The following TRIM33 variants were observed in gnomAD, a reference collection of about 807,000 sequenced individuals.
The protein encoded by TRIM33 is tripartite motif containing 33.
TRIM33 carries 20 observed loss-of-function variants against 125.4 expected under a neutral mutation model. That is an observed-to-expected ratio of 0.16 (90% CI 0.11 to 0.23). The LOEUF (loss-of-function observed/expected upper bound fraction) is 0.23, where lower values mean the gene tolerates loss of function less well. Among genes scored for constraint, TRIM33 ranks in the 10% least tolerant of loss-of-function variants. The pLI, the probability that TRIM33 is intolerant of heterozygous loss-of-function variation, is 1.00. For missense variants in TRIM33, 920 were observed against 1,411.4 expected (o/e 0.65, Z 5.58); for synonymous variants, 564 against 513.9 (o/e 1.10, Z -1.32).
chr1:114,484,507 A>G (rs1263414303), intron 1 of TRIM33, among the ~76,000 whole-genome samples: 34 of 151,936 alleles, frequency 2.2e-4, no homozygotes, highest in Non-Finnish European at 1.0e-4. Context: ...CGGGTGGATC[A>G]CCTGAGGTCA....
rs561986416 is a variant in TRIM33 at position 114,395,141 on chromosome 1, C to T, written c.*2507G>A. 30 of 198,978 alleles carry T rather than the reference C, an allele frequency of 1.5e-4. No individual in the cohort carries two copies. The South Asian group carries it at 5.7e-3, about 38-fold the overall frequency. 12.3% of individuals were successfully genotyped at this position (198,978 alleles called of 1,614,324 possible). On this transcript the variant is annotated 3_prime_UTR_variant, in exon 20 of 20. Coordinates refer to ENST00000358465, the MANE Select transcript of TRIM33 (RefSeq NM_015906.4). ...AGAGCTGAAAAAATCAGCTTAGAAA[C>T]ACAACGATCAGTGTGCAAGAAAAAA... is the stretch of plus-strand genomic sequence containing the variant.
At chr1:114,457,729 A>G (rs1432687558) in intron 4 of TRIM33, among the ~76,000 whole-genome samples, 1 of 152,158 alleles carries the variant, frequency 6.6e-6, no homozygotes, top group Non-Finnish European at 1.5e-5. Flanking sequence ...ATCAGTAAAG[A>G]GCAGTTTGGT....
At chr1:114,448,309 T>C (rs746672006) in intron 4 of TRIM33, among the ~76,000 whole-genome samples, 2 of 152,208 alleles carry the variant, frequency 1.3e-5, no homozygotes, top group Non-Finnish European at 2.9e-5. Context: ...AGGGAGTCTG[T>C]AGTTCTCTTT....
chr1:114,399,006 T>TTAGTATTA (rs1266355687), intron 18 of TRIM33, among the ~76,000 whole-genome samples: 1 of 151,142 alleles, frequency 6.6e-6, no homozygotes, highest in Non-Finnish European at 1.5e-5. Flanking sequence ...ATAAGAAAAC[T>TTAGTATTA]TAGTATTATA....
intron 7 of TRIM33, 116 bp downstream of exon 7, chr1:114,427,632 T>TGTG (rs1280563764): frequency 1.9e-6 from 2 of 1,037,588 alleles, no homozygotes; most frequent in Non-Finnish European, 2.7e-6. Flanking sequence ...TGTATCTTGA[T>TGTG]GTGGTGGTGG....
chr1:114,507,368 C>A (rs1193982601), intron 1 of TRIM33, among the ~76,000 whole-genome samples: 1 of 152,096 alleles, frequency 6.6e-6, no homozygotes, highest in Non-Finnish European at 1.5e-5. Flanking sequence ...AACTGTTGAT[C>A]TAGAAAGAAC....
intron 4 of TRIM33, among the ~76,000 whole-genome samples, chr1:114,437,493 G>A (rs1360007516): frequency 1.3e-5 from 2 of 152,000 alleles, no homozygotes; most frequent in Non-Finnish European, 2.9e-5. Flanking sequence ...CATGAGTCAC[G>A]ACACCCAGCT....
At chr1:114,450,578 A>C (rs1277712162) in intron 4 of TRIM33, among the ~76,000 whole-genome samples, 1 of 152,130 alleles carries the variant, frequency 6.6e-6, no homozygotes, top group Non-Finnish European at 1.5e-5. Flanking sequence ...TTTTTAGTAG[A>C]GATGGGGTTT....
At chr1:114,416,918 G>A (rs11582563) in intron 11 of TRIM33, among the ~76,000 whole-genome samples, 20,746 of 152,052 alleles carry the variant, frequency 0.14, 1,784 homozygotes, top group Non-Finnish European at 0.19. Flanking sequence ...GGTACACTAC[G>A]TTCATACTTG....
chr1:114,399,733 TGAGTATA>T, intron 17 of TRIM33, 124 bp from the exon 18 acceptor site: 1 of 770,548 alleles, frequency 1.3e-6, no homozygotes. Flanking sequence ...TTGCAAATTT[TGAGTATA>T]GACGTATGTA....
At chr1:114,462,152 C>G (rs553905371) in intron 4 of TRIM33, among the ~76,000 whole-genome samples, 2 of 152,238 alleles carry the variant, frequency 1.3e-5, no homozygotes, top group South Asian at 2.1e-4. Flanking sequence ...CGTCATAATA[C>G]TAGTACCTAA....
intron 5 of TRIM33, among the ~76,000 whole-genome samples, chr1:114,433,347 TC>T (rs1648086902): frequency 6.6e-6 from 1 of 152,182 alleles, no homozygotes; most frequent in Non-Finnish European, 1.5e-5. Flanking sequence ...GTCAACTCTC[TC>T]CATATTAATT....
intron 10 of TRIM33, among the ~76,000 whole-genome samples, chr1:114,422,469 A>G (rs971249590): frequency 2.0e-5 from 3 of 150,650 alleles, no homozygotes; most frequent in Admixed American, 2.0e-4. Context: ...TCAGACCATC[A>G]ATCTTTTGTA....
At chr1:114,481,588 C>A (rs1651346591) in intron 1 of TRIM33, among the ~76,000 whole-genome samples, 1 of 147,180 alleles carries the variant, frequency 6.8e-6, no homozygotes, top group African/African-American at 2.5e-5. Flanking sequence ...GAGACACTGT[C>A]CGAAAAAAAA....
At chr1:114,469,712 C>T (rs1207730133) in intron 1 of TRIM33, among the ~76,000 whole-genome samples, 1 of 152,088 alleles carries the variant, frequency 6.6e-6, no homozygotes, top group Non-Finnish European at 1.5e-5. Context: ...ATGGAGGTAG[C>T]GGCAGACAGA....
chr1:114,491,205 A>T (rs1652042215), intron 1 of TRIM33, among the ~76,000 whole-genome samples: 1 of 152,218 alleles, frequency 6.6e-6, no homozygotes, highest in East Asian at 1.9e-4. Context: ...TTAATATAAG[A>T]TCAAATAGAC....
At chr1:114,481,700 T>C (rs1053052861) in intron 1 of TRIM33, among the ~76,000 whole-genome samples, 2 of 151,518 alleles carry the variant, frequency 1.3e-5, no homozygotes, top group Admixed American at 1.3e-4. Context: ...TGTGTGTATA[T>C]ATATATTTTT....
chr1:114,413,575 A>AAG (rs1332990658), intron 11 of TRIM33, among the ~76,000 whole-genome samples: 2 of 116,574 alleles, frequency 1.7e-5, no homozygotes, highest in Non-Finnish European at 3.6e-5. Flanking sequence ...AAAAAAAAAG[A>AAG]AAAGAAAAGA....
At position 114,502,714 on chromosome 1, in the gene TRIM33, C is replaced by T. The variant is rs112584666; in HGVS notation, c.526+7837G>A. On this transcript the variant is annotated intron_variant, in intron 1 of 19. Coordinates refer to ENST00000358465, the MANE Select transcript of TRIM33 (RefSeq NM_015906.4). ...TGGAGTCGGAGTCTCACTATATTCC[C>T]CAGGCTGGTCTTGAACTCCTGGGCT... Among the ~76,000 whole-genome samples the T allele has an allele frequency of 8.9e-3, 1,346 of 151,990 alleles. 22 individuals are homozygous for T. Among genetic ancestry groups the T allele is most frequent in the African/African-American group, 0.03 (1,244 of 41,452 alleles).
Sources: gnomAD v4.1 joint callset for allele counts (sites outside exome capture counted in the v4.1 genomes callset) on GRCh38, gnomAD v4.1.1 for gene constraint, MANE v1.5 for transcripts, NCBI Gene and HGNC (gene_info 2026-07-23, HGNC 2026-07-21) for gene names.